The following RAPGEF1 variants were observed in gnomAD, a reference collection of about 807,000 sequenced individuals.
The protein encoded by RAPGEF1 is CRK SH3-binding GNRP.
In RAPGEF1, 33 loss-of-function variants were observed where a neutral mutation model predicts 143.3. The ratio of observed to expected loss-of-function variants is 0.23; its 90% CI spans 0.17 to 0.31. The LOEUF is 0.31. RAPGEF1 is among the 10% of genes least tolerant of loss of function. RAPGEF1 has a pLI of 1.00. For synonymous variants in RAPGEF1, 629 were observed against 676.5 expected (o/e 0.93, Z 1.09); for missense variants, 1,199 against 1,645.4 (o/e 0.73, Z 4.69).
chr9:131,738,989 T>G lies in RAPGEF1; in HGVS notation c.61+781A>C, dbSNP rs559095153. ...CAGGAGCCCAGGAGCACCCGCCCAC[T>G]TCACCTTAGACCCAAGAATTCGCAT... is the stretch of plus-strand genomic sequence containing the variant. On this transcript the variant is annotated intron_variant, in intron 1 of 26. Coordinates refer to ENST00000683357, the MANE Select transcript of RAPGEF1 (RefSeq NM_001377935.1). Among the ~76,000 whole-genome samples, 3 of 152,302 alleles carry G rather than the reference T, an allele frequency of 2.0e-5. No individual in the cohort carries two copies. The East Asian group carries it at 5.8e-4, about 29-fold the overall frequency.
intron 22 of RAPGEF1, among the ~76,000 whole-genome samples, chr9:131,586,212 A>ACG (rs1554801494): frequency 1.4e-5 from 2 of 142,412 alleles, no homozygotes; most frequent in African/African-American, 2.7e-5. Context: ...ACACACACGC[A>ACG]CGCACACACA....
At position 131,621,479 on chromosome 9, in the gene RAPGEF1, A is replaced by C. The variant is rs1960997401; in HGVS notation, c.1905+317T>G. On this transcript the variant is annotated intron_variant, in intron 11 of 26. Coordinates refer to ENST00000683357, the MANE Select transcript of RAPGEF1 (RefSeq NM_001377935.1). The surrounding 1 kb of genome is among the most constrained non-coding windows in gnomAD (Gnocchi z 4.5). ...TCTATGTTGAAGCCAAAGAAGAAAG[A>C]AAAAAATACAAGAGACTGTCAGCAG... 6.6e-6 allele frequency among the ~76,000 whole-genome samples: 1 copy of C among 152,192 alleles called. No homozygotes were observed. The highest frequency in any genetic ancestry group is 2.4e-5 in the African/African-American group (1 of 41,434).
At chr9:131,652,572 A>G (rs186875345) in intron 1 of RAPGEF1, among the ~76,000 whole-genome samples, 2 of 152,278 alleles carry the variant, frequency 1.3e-5, no homozygotes, top group Non-Finnish European at 1.5e-5. Flanking sequence ...ACAAAGACAG[A>G]CACACATTAA....
intron 5 of RAPGEF1, among the ~76,000 whole-genome samples, chr9:131,634,244 G>A (rs1197512682): frequency 6.6e-6 from 1 of 151,540 alleles, no homozygotes; most frequent in Non-Finnish European, 1.5e-5. Flanking sequence ...GATAGAGTGA[G>A]ACTGTCTCAG....
At chr9:131,669,013 C>T (rs1830909547) in intron 1 of RAPGEF1, among the ~76,000 whole-genome samples, 1 of 152,234 alleles carries the variant, frequency 6.6e-6, no homozygotes, top group South Asian at 2.1e-4. Context: ...GCCGGGGCCG[C>T]AGCCTCCTGC....
intron 1 of RAPGEF1, among the ~76,000 whole-genome samples, chr9:131,719,101 T>G (rs575138907): frequency 1.6e-4 from 24 of 152,308 alleles, no homozygotes; most frequent in Middle Eastern, 3.4e-3. Context: ...CCAGAGTAGC[T>G]GGAACTACAG....
intron 17 of RAPGEF1, among the ~76,000 whole-genome samples, chr9:131,594,674 G>A (rs926760178): frequency 6.6e-5 from 10 of 152,158 alleles, no homozygotes; most frequent in Non-Finnish European, 1.0e-4. Context: ...TACTTCCTAC[G>A]TAAAACTTTG....
At chr9:131,726,240 A>G (rs1412857788) in intron 1 of RAPGEF1, among the ~76,000 whole-genome samples, 1 of 152,184 alleles carries the variant, frequency 6.6e-6, no homozygotes, top group Non-Finnish European at 1.5e-5. Context: ...ACGAGTCTCA[A>G]AGTCAGTACA....
intron 1 of RAPGEF1, among the ~76,000 whole-genome samples, chr9:131,717,865 T>C (rs1835969949): frequency 6.6e-6 from 1 of 151,784 alleles, no homozygotes; most frequent in South Asian, 2.1e-4. Flanking sequence ...GCCCAGTGGT[T>C]AGGGCTGACC....
intron 1 of RAPGEF1, among the ~76,000 whole-genome samples, chr9:131,660,641 G>A (rs1973809281): frequency 6.6e-6 from 1 of 152,178 alleles, no homozygotes; most frequent in Non-Finnish European, 1.5e-5. Context: ...CCCTTGTATG[G>A]TGAGACAGAC....
chr9:131,608,044 T>C (rs930380017), intron 12 of RAPGEF1, among the ~76,000 whole-genome samples: 3 of 152,212 alleles, frequency 2.0e-5, no homozygotes, highest in African/African-American at 4.8e-5. Context: ...AGGTCTCCAG[T>C]TGCCCCTCAT....
rs369641251 is a variant in RAPGEF1, at chr9:131,628,636, C to G, written c.930G>C (p.Ser310=). The G allele has an allele frequency of 6.2e-7, 1 of 1,610,474 alleles. No homozygotes were observed. The highest frequency in any genetic ancestry group is 1.7e-5 in the Admixed American group (1 of 59,906). The part of the protein sequence containing the change: ...PPALPPKKRQ[S]APSPTRVAVV... ...CAGCCACTCGGGTAGGGGACGGCGC[C>G]GACTGTCTTTTCTTGGGTGGCAATG... The change falls in exon 8 of 27, where the codon TCG becomes TCC. Residue 310 remains serine (S), a synonymous_variant. Coordinates refer to ENST00000683357, the MANE Select transcript of RAPGEF1 (RefSeq NM_001377935.1). The surrounding 1 kb of genome is among the most constrained non-coding windows in gnomAD (Gnocchi z 5.7).
intron 3 of RAPGEF1, among the ~76,000 whole-genome samples, chr9:131,649,589 T>C (rs981865062): frequency 6.6e-6 from 1 of 152,068 alleles, no homozygotes; most frequent in Non-Finnish European, 1.5e-5. Flanking sequence ...CACATCAGGG[T>C]TGCTATGAAG....
intron 1 of RAPGEF1, among the ~76,000 whole-genome samples, chr9:131,711,095 G>T (rs1257638453): frequency 6.6e-6 from 1 of 150,980 alleles, no homozygotes; most frequent in Non-Finnish European, 1.5e-5. Flanking sequence ...GTGTCACCCA[G>T]GCTGGCGTGC....
At chr9:131,625,371 C>T (rs1962651688) in intron 10 of RAPGEF1, among the ~76,000 whole-genome samples, 1 of 152,202 alleles carries the variant, frequency 6.6e-6, no homozygotes, top group African/African-American at 2.4e-5. Context: ...AGCTCCAACC[C>T]TGGGCTCCAA....
intron 26 of RAPGEF1, 75 bp downstream of exon 26, chr9:131,580,188 T>C: frequency 7.7e-6 from 12 of 1,565,316 alleles, no homozygotes; most frequent in Non-Finnish European, 1.0e-5. Flanking sequence ...CTCCCCTCGG[T>C]GTCCCGGGCT....
intron 1 of RAPGEF1, among the ~76,000 whole-genome samples, chr9:131,683,423 T>C (rs1319671720): frequency 1.3e-5 from 2 of 152,056 alleles, no homozygotes; most frequent in South Asian, 2.1e-4. Context: ...ATCAGGTAAA[T>C]GGAGAATGTT....
At chr9:131,582,103 T>C (rs1267783778) in intron 25 of RAPGEF1, among the ~76,000 whole-genome samples, 2 of 152,208 alleles carry the variant, frequency 1.3e-5, no homozygotes, top group Non-Finnish European at 2.9e-5. Context: ...AACACATATT[T>C]CCTCTCGCCC....
At chr9:131,694,571 G>A (rs948518648) in intron 1 of RAPGEF1, among the ~76,000 whole-genome samples, 14 of 152,128 alleles carry the variant, frequency 9.2e-5, no homozygotes, top group African/African-American at 3.4e-4. Flanking sequence ...CACTAGATTC[G>A]TGCTGTTCCT....
Sources: gnomAD v4.1 joint callset for allele counts (sites outside exome capture counted in the v4.1 genomes callset) on GRCh38, gnomAD v4.1.1 for gene constraint, Gnocchi (gnomAD v3.1) non-coding constraint, MANE v1.5 for transcripts, NCBI Gene and HGNC (gene_info 2026-07-23, HGNC 2026-07-21) for gene names.